BABAM2: variants seen among roughly 807,000 people sequenced by gnomAD.
BABAM2 encodes BRISC and BRCA1-A complex member 2.
In BABAM2, 31 loss-of-function variants were observed where a neutral mutation model predicts 54.7. The observed-to-expected ratio is 0.57, with a 90% CI of 0.43 to 0.77. BABAM2 has a LOEUF of 0.77. Ranked by LOEUF, BABAM2 falls within the 30% of genes least tolerant of loss-of-function variation. BABAM2 has a pLI of 0.00. For missense variants in BABAM2, 364 were observed against 455.8 expected, an observed-to-expected ratio of 0.80 and a Z score of 1.83; for synonymous variants, 167 against 162.9, an observed-to-expected ratio of 1.03 and a Z score of -0.19.
chr2:28,080,303 T>A (rs1665051205), intron 6 of BABAM2, among the ~76,000 whole-genome samples: 1 of 152,184 alleles, frequency 6.6e-6, no homozygotes, highest in Non-Finnish European at 1.5e-5. Flanking sequence ...TAAAAATAAC[T>A]GTACCATCCA....
At chr2:28,136,964 A>G (rs1488863930) in intron 7 of BABAM2, among the ~76,000 whole-genome samples, 2 of 152,238 alleles carry the variant, frequency 1.3e-5, no homozygotes, top group Non-Finnish European at 2.9e-5. Flanking sequence ...AGCAAGTTAA[A>G]TATATTGGTA....
chr2:28,018,683 G>A (rs1441781178), intron 4 of BABAM2, among the ~76,000 whole-genome samples: 6 of 151,884 alleles, frequency 4.0e-5, no homozygotes, highest in Non-Finnish European at 8.8e-5. Flanking sequence ...GTTATTTTTT[G>A]ATTTTGGTCA....
intron 2 of BABAM2, among the ~76,000 whole-genome samples, chr2:27,910,846 C>T (rs1666529866): frequency 6.6e-6 from 1 of 152,014 alleles, no homozygotes; most frequent in African/African-American, 2.4e-5. Context: ...TTGGGTAGTT[C>T]CTAATTGATA....
At chr2:28,193,602 C>G (rs1395167216) in intron 7 of BABAM2, among the ~76,000 whole-genome samples, 3 of 152,150 alleles carry the variant, frequency 2.0e-5, no homozygotes. Flanking sequence ...TGTTCTCCTG[C>G]TCTGGATCCC....
Position 27,914,120 on chromosome 2 carries a change from T to C in BABAM2, c.129-15712T>C, listed in dbSNP as rs116763392. On this transcript the variant is annotated intron_variant, in intron 2 of 11. Transcript: ENST00000379624. ...ATAGAATTTCAGGAATGGAAAGCATTACACTCTAATGTTAACCATATGATC... is the reference window on the plus strand; with the variant it reads ...ATAGAATTTCAGGAATGGAAAGCATCACACTCTAATGTTAACCATATGATC... 5.2e-3 allele frequency among the ~76,000 whole-genome samples: 790 copies of C among 152,328 alleles called. 6 individuals are homozygous for C. Among genetic ancestry groups the C allele is most frequent in the African/African-American group, 0.018 (744 of 41,582 alleles).
intron 4 of BABAM2, among the ~76,000 whole-genome samples, chr2:28,024,452 T>A (rs943434673): frequency 1.2e-4 from 18 of 152,144 alleles, no homozygotes; most frequent in South Asian, 2.1e-4. Context: ...CTATGAATTT[T>A]ATAAAGTCAT....
intron 7 of BABAM2, among the ~76,000 whole-genome samples, chr2:28,155,998 A>G (rs1672509716): frequency 6.6e-6 from 1 of 152,214 alleles, no homozygotes; most frequent in Admixed American, 6.5e-5. Flanking sequence ...GTGTGAGAAG[A>G]AAAGTAGAGT....
intron 7 of BABAM2, among the ~76,000 whole-genome samples, chr2:28,218,692 T>A (rs12714227): frequency 0.77 from 116,408 of 152,064 alleles, 45,245 homozygotes; most frequent in East Asian, 0.99. Context: ...TTCTCTTTAA[T>A]AAGAACTCCG....
intron 5 of BABAM2, among the ~76,000 whole-genome samples, chr2:28,036,374 AT>A (rs1431686503): frequency 6.6e-6 from 1 of 152,172 alleles, no homozygotes; most frequent in African/African-American, 2.4e-5. Flanking sequence ...TAGTTTTTCA[AT>A]TATTTTCAAG....
At chr2:27,902,734 T>C (rs1326322066) in intron 2 of BABAM2, among the ~76,000 whole-genome samples, 1 of 152,210 alleles carries the variant, frequency 6.6e-6, no homozygotes. Context: ...GTATTTTGGA[T>C]ACTGATCTTT....
rs566993935 is a variant in BABAM2, at chr2:28,288,171, G to T, written c.935-10167G>T. Among the ~76,000 whole-genome samples the T allele has an allele frequency of 9.9e-5, 15 of 152,220 alleles. No individual in the cohort carries two copies. In the South Asian group the frequency reaches 3.1e-3, roughly 32 times the overall value. On this transcript the variant is annotated intron_variant, in intron 10 of 11. Transcript: ENST00000379624. ...CCAGATAAACCCAGAAAAGCAAGGG[G>T]CGCCCTCCAGACAGGGAGAAGGACT...
intron 2 of BABAM2, among the ~76,000 whole-genome samples, chr2:27,922,423 T>C (rs2148333231): frequency 6.6e-6 from 1 of 152,352 alleles, no homozygotes; most frequent in South Asian, 2.1e-4. Context: ...CGAAGGTTCT[T>C]ACGCTCAGCA....
Position 28,219,640 on chromosome 2 carries a change from C to A in BABAM2, c.681-17562C>A, listed in dbSNP as rs1003658637. Among the ~76,000 whole-genome samples the A allele has an allele frequency of 4.6e-5, 7 of 151,298 alleles. No homozygotes were observed. The East Asian group carries it at 7.7e-4, about 17-fold the overall frequency. On this transcript the variant is annotated intron_variant, in intron 7 of 11. Coordinates refer to ENST00000379624, the MANE Select transcript of BABAM2 (RefSeq NM_199191.3). ...GTTCAAGGCTTGTGCTAGGAGCTTA[C>A]TTCTTTCTGTTTAATCAGAAAAAAA...
chr2:28,087,825 T>C (rs539538646), intron 6 of BABAM2, among the ~76,000 whole-genome samples: 7 of 152,262 alleles, frequency 4.6e-5, no homozygotes, highest in Admixed American at 2.6e-4. Flanking sequence ...AGTTTTTGTA[T>C]TTTTAGTAGA....
intron 10 of BABAM2, among the ~76,000 whole-genome samples, chr2:28,268,893 G>A (rs768331071): frequency 5.3e-5 from 8 of 152,200 alleles, no homozygotes; most frequent in Non-Finnish European, 7.3e-5. Flanking sequence ...ATTTGTCTGC[G>A]GAGAAATCCT....
At chr2:28,038,432 G>A (rs1243715607) in intron 5 of BABAM2, among the ~76,000 whole-genome samples, 1 of 152,166 alleles carries the variant, frequency 6.6e-6, no homozygotes. Flanking sequence ...TTATTACAGG[G>A]TTATGTTGTG....
chr2:28,299,091 A>G (rs940235507), intron 11 of BABAM2, among the ~76,000 whole-genome samples: 7 of 152,154 alleles, frequency 4.6e-5, no homozygotes, highest in African/African-American at 7.2e-5. Flanking sequence ...TCTATACCTC[A>G]TTGCGTCTCT....
At chr2:27,998,863 A>T (rs530531955) in intron 4 of BABAM2, among the ~76,000 whole-genome samples, 1 of 152,324 alleles carries the variant, frequency 6.6e-6, no homozygotes, top group African/African-American at 2.4e-5. Context: ...AGGTTTTAGT[A>T]ACATCAAAAT....
At position 28,190,763 on chromosome 2, in the gene BABAM2, A is replaced by G. The variant is rs180831402; in HGVS notation, c.681-46439A>G. On this transcript the variant is annotated intron_variant, in intron 7 of 11. Coordinates refer to ENST00000379624, the MANE Select transcript of BABAM2 (RefSeq NM_199191.3). Reference sequence around the variant, plus strand: ...GATCTAATCACCTTCCAAAGGTTCTACTTACTAATACCATTAATACCATCA... The same window carrying G: ...GATCTAATCACCTTCCAAAGGTTCTGCTTACTAATACCATTAATACCATCA... 1.3e-4 allele frequency among the ~76,000 whole-genome samples: 20 copies of G among 152,274 alleles called. No individual in the cohort carries two copies. The East Asian group carries it at 3.7e-3, about 28-fold the overall frequency.
Sources: gnomAD v4.1 joint callset for allele counts (sites outside exome capture counted in the v4.1 genomes callset) on GRCh38, gnomAD v4.1.1 for gene constraint, MANE v1.5 for transcripts, NCBI Gene and HGNC (gene_info 2026-07-23, HGNC 2026-07-21) for gene names.